SLC2A9: variants seen among roughly 807,000 people sequenced by gnomAD.
The protein encoded by SLC2A9 is solute carrier family 2, facilitated glucose transporter member 9.
Under a neutral mutation model 50.6 loss-of-function variants are expected in SLC2A9, and 39 were observed. The observed-to-expected ratio is 0.77, with a 90% CI of 0.60 to 1.01. SLC2A9 has a LOEUF of 1.01. Among genes scored for constraint, SLC2A9 ranks in the 50% least tolerant of loss-of-function variants. The pLI is 0.00. For missense variants in SLC2A9, 686 were observed against 677.6 expected, an observed-to-expected ratio of 1.01 and a Z score of -0.14; for synonymous variants, 324 against 276.9, an observed-to-expected ratio of 1.17 and a Z score of -1.69.
At chr4:10,006,770 A>T (rs1186819389) in intron 2 of SLC2A9, 1 of 152,068 alleles carries the variant, frequency 6.6e-6, no homozygotes, top group Non-Finnish European at 1.5e-5. Context: ...AGAGTGACTC[A>T]GTGTACCTAA....
At chr4:9,807,837 T>C (rs923210378) in intron 3 of SLC2A9, among the ~76,000 whole-genome samples, 17 of 152,176 alleles carry the variant, frequency 1.1e-4, no homozygotes, top group African/African-American at 3.9e-4. Context: ...AATGCGTGTT[T>C]CTTGTGACTC....
intron 6 of SLC2A9, among the ~76,000 whole-genome samples, chr4:9,940,953 T>C (rs4697698): frequency 0.58 from 87,484 of 152,056 alleles, 26,414 homozygotes; most frequent in African/African-American, 0.77. Flanking sequence ...GAACCTTATA[T>C]GCACCATCTA....
At chr4:9,789,949 T>A (rs1417959661) in intron 3 of SLC2A9, among the ~76,000 whole-genome samples, 1 of 152,144 alleles carries the variant, frequency 6.6e-6, no homozygotes, top group Admixed American at 6.5e-5. Context: ...ACAACCAGCA[T>A]TTGTTGTCTA....
At chr4:10,021,660 C>T (rs1353499084), upstream of SLC2A9, among the ~76,000 whole-genome samples, 2 of 151,314 alleles carry the variant, frequency 1.3e-5, no homozygotes, top group African/African-American at 4.9e-5. Context: ...TCCAGGATTG[C>T]CACCCAGGGG....
chr4:9,919,948 G>T (rs147370027), intron 7 of SLC2A9, among the ~76,000 whole-genome samples: 107 of 152,164 alleles, frequency 7.0e-4, no homozygotes, highest in African/African-American at 2.5e-3. Flanking sequence ...TCAAGCCCCA[G>T]AACATTTCTT....
chr4:9,996,236 C>G (rs956814059), intron 3 of SLC2A9, among the ~76,000 whole-genome samples: 1 of 152,190 alleles, frequency 6.6e-6, no homozygotes, highest in Non-Finnish European at 1.5e-5. Flanking sequence ...AATGATGAGA[C>G]AGCCATATAG....
chr4:9,918,439 C>T (rs1743302732), intron 7 of SLC2A9, among the ~76,000 whole-genome samples: 1 of 152,152 alleles, frequency 6.6e-6, no homozygotes, highest in Non-Finnish European at 1.5e-5. Context: ...AGACTTGTCC[C>T]CATGGCTGCC....
chr4:9,937,394 T>G (rs1277315128), intron 6 of SLC2A9, among the ~76,000 whole-genome samples: 3 of 152,160 alleles, frequency 2.0e-5, no homozygotes, highest in Non-Finnish European at 4.4e-5. Flanking sequence ...AAGTTCTCTC[T>G]AGCCAGGGAA....
intron 8 of SLC2A9, among the ~76,000 whole-genome samples, chr4:9,891,018 T>C (rs1479460542): frequency 6.6e-6 from 1 of 152,226 alleles, no homozygotes; most frequent in African/African-American, 2.4e-5. Context: ...TGGATGGATA[T>C]GGTCACCACA....
At chr4:9,820,283 A>G (rs1724222952) in intron 3 of SLC2A9, among the ~76,000 whole-genome samples, 2 of 152,150 alleles carry the variant, frequency 1.3e-5, no homozygotes, top group African/African-American at 4.8e-5. Flanking sequence ...GTGTGGGTCT[A>G]TTTCTGGATG....
At chr4:9,943,929 T>A (rs767180289) in intron 5 of SLC2A9, among the ~76,000 whole-genome samples, 3 of 152,236 alleles carry the variant, frequency 2.0e-5, no homozygotes, top group African/African-American at 4.8e-5. Flanking sequence ...CCAGCAATAC[T>A]GCTGCATGTT....
chr4:9,997,166 G>GT (rs1339358974), intron 2 of SLC2A9, among the ~76,000 whole-genome samples: 6 of 152,232 alleles, frequency 3.9e-5, no homozygotes, highest in South Asian at 2.1e-4. Context: ...TTTATGGCTA[G>GT]TTTTTTTGTG....
chr4:9,862,069 G>A (rs2109403319), intron 10 of SLC2A9, among the ~76,000 whole-genome samples: 1 of 152,228 alleles, frequency 6.6e-6, no homozygotes, highest in East Asian at 1.9e-4. Flanking sequence ...TTGAGCTGAA[G>A]GCATGTAAAA....
At chr4:9,887,542 C>A in intron 10 of SLC2A9, 25 bp downstream of exon 10, 2 of 1,543,936 alleles carry the variant, frequency 1.3e-6, no homozygotes, top group African/African-American at 1.4e-5. Context: ...CTGGGCGGGG[C>A]AGTGGGGAGG....
At chr4:9,892,327 G>T (rs1445767839) in intron 8 of SLC2A9, among the ~76,000 whole-genome samples, 1 of 151,972 alleles carries the variant, frequency 6.6e-6, no homozygotes, top group Non-Finnish European at 1.5e-5. Context: ...GGCCTGGGAG[G>T]AAAATGTGCC....
intron 10 of SLC2A9, among the ~76,000 whole-genome samples, chr4:9,862,238 T>C (rs922142663): frequency 2.0e-5 from 3 of 152,032 alleles, no homozygotes; most frequent in Admixed American, 2.0e-4. Flanking sequence ...GGTCTGGAGC[T>C]TACACCAGAG....
At chr4:10,031,022 G>C (rs1411623283) in intron 1 of SLC2A9, among the ~76,000 whole-genome samples, 1 of 152,220 alleles carries the variant, frequency 6.6e-6, no homozygotes, top group Non-Finnish European at 1.5e-5. Context: ...AGAAAAGTGA[G>C]TGGCCCTGCC....
chr4:9,816,730 A>G (rs531780196), intron 3 of SLC2A9, among the ~76,000 whole-genome samples: 81 of 152,252 alleles, frequency 5.3e-4, no homozygotes, highest in Non-Finnish European at 1.1e-3. Flanking sequence ...TTATACTTCA[A>G]TGTAGCTGAA....
intron 4 of SLC2A9, among the ~76,000 whole-genome samples, chr4:9,984,373 A>G (rs1378449976): frequency 6.6e-6 from 1 of 152,196 alleles, no homozygotes; most frequent in Non-Finnish European, 1.5e-5. Flanking sequence ...AGCCTTTAAG[A>G]AGCTCATGCT....
Sources: gnomAD v4.1 joint callset for allele counts (sites outside exome capture counted in the v4.1 genomes callset) on GRCh38, gnomAD v4.1.1 for gene constraint, MANE v1.5 for transcripts, NCBI Gene and HGNC (gene_info 2026-07-23, HGNC 2026-07-21) for gene names.